CFAP69: variants seen among roughly 807,000 people sequenced by gnomAD.
CFAP69 encodes the protein cilia- and flagella-associated protein 69.
CFAP69 carries 92 observed loss-of-function variants against 123.0 expected under a neutral mutation model. The observed-to-expected ratio is 0.75, with a 90% confidence interval of 0.63 to 0.89. The LOEUF is 0.89. Ranked by LOEUF, CFAP69 falls within the 40% of genes least tolerant of loss-of-function variation. CFAP69 has a pLI of 0.00. For synonymous variants in CFAP69, 380 were observed against 364.3 expected (o/e 1.04, Z -0.49); for missense variants, 1,067 against 1,096.9 (o/e 0.97, Z 0.39).
Position 90,245,492 on chromosome 7 carries a change from G to T in CFAP69, c.68G>T (p.Ser23Ile), listed in dbSNP as rs765631575. 2.3e-5 allele frequency: 36 copies of T among 1,543,662 alleles called. No individual in the cohort carries two copies. The South Asian group carries it at 4.1e-4, about 18-fold the overall frequency. Residue 23 changes from serine (S) to isoleucine (I), a missense_variant, in exon 1 of 23, where the codon AGT (serine) becomes ATT (isoleucine). Physicochemically the swap from Ser to Ile is moderately radical, Grantham distance 142. Transcript: ENST00000389297. ...TCCGGCATCAGGAACAAGTCTAGCAGTTCCAGTCAAATCCCGGTGGTTGGG... is the reference window on the plus strand; with the variant it reads ...TCCGGCATCAGGAACAAGTCTAGCATTTCCAGTCAAATCCCGGTGGTTGGG... The part of the protein sequence containing the change: ...QESGIRNKSS[S>I]SSQIPVVGVV...
intron 4 of CFAP69, among the ~76,000 whole-genome samples, chr7:90,264,488 T>C (rs1798850647): frequency 6.6e-6 from 1 of 152,024 alleles, no homozygotes; most frequent in Admixed American, 6.6e-5. Context: ...TCTCTAAGAA[T>C]GAATAAACTA....
At chr7:90,286,570 C>A in intron 14 of CFAP69, 171 bp downstream of exon 14, 2 of 540,612 alleles carry the variant, frequency 3.7e-6, no homozygotes, top group Non-Finnish European at 3.0e-6. Context: ...CAGTATACAC[C>A]CATTTAACTC....
intron 15 of CFAP69, among the ~76,000 whole-genome samples, chr7:90,297,458 A>G (rs2117295323): frequency 6.6e-6 from 1 of 152,358 alleles, no homozygotes; most frequent in Admixed American, 6.5e-5. Context: ...CCAGCCAGAG[A>G]TGATCACTAA....
downstream of CFAP69, among the ~76,000 whole-genome samples, chr7:90,313,241 G>A (rs1794474732): frequency 1.3e-5 from 2 of 152,174 alleles, no homozygotes; most frequent in African/African-American, 4.8e-5. Context: ...TGACCAAACA[G>A]ATCAAAGATT....
rs546387862 is a variant in CFAP69 at position 90,255,805 on chromosome 7, G to C, written c.180+323G>C. Among the ~76,000 whole-genome samples, 6 of 152,126 alleles carry C rather than the reference G, an allele frequency of 3.9e-5. No individual in the cohort carries two copies. In the East Asian group the frequency reaches 1.2e-3, roughly 29 times the overall value. ...TGTTACCTAGTAGGATTGGAGGACA[G>C]AAATGGTAGAAAACAGGGTACCGTG... On this transcript the variant is annotated intron_variant, in intron 2 of 22. Coordinates refer to ENST00000389297, the MANE Select transcript of CFAP69 (RefSeq NM_001039706.3).
At chr7:90,298,798 TATGA>T (rs1792365336) in intron 16 of CFAP69, among the ~76,000 whole-genome samples, 1 of 152,186 alleles carries the variant, frequency 6.6e-6, no homozygotes, top group African/African-American at 2.4e-5. Context: ...TTACTGTTAT[TATGA>T]ATATTATTGC....
chr7:90,304,354 G>T, intron 18 of CFAP69: 1 of 1,251,392 alleles, frequency 8.0e-7, no homozygotes, highest in Non-Finnish European at 1.0e-6. Flanking sequence ...TAGGATTAAG[G>T]ACAGTTAGTT....
chr7:90,272,005 A>T (rs770117082), intron 8 of CFAP69, 47 bp downstream of exon 8: 2 of 1,485,414 alleles, frequency 1.3e-6, no homozygotes, highest in Non-Finnish European at 1.8e-6. Flanking sequence ...TCTTAAAATG[A>T]CAGCCAGTGA....
At chr7:90,304,236 T>C in intron 18 of CFAP69, 130 bp downstream of exon 18, 1 of 1,389,866 alleles carries the variant, frequency 7.2e-7, no homozygotes, top group East Asian at 2.7e-5. Context: ...TTTCCATTGT[T>C]ACCCCAATTC....
At chr7:90,248,266 T>G (rs1484659103) in intron 1 of CFAP69, among the ~76,000 whole-genome samples, 5 of 152,362 alleles carry the variant, frequency 3.3e-5, no homozygotes, top group African/African-American at 9.6e-5. Flanking sequence ...AATTGAACCT[T>G]TCAGTTACCC....
chr7:90,313,187 G>A (rs954790351), downstream of CFAP69, among the ~76,000 whole-genome samples: 1 of 152,132 alleles, frequency 6.6e-6, no homozygotes, highest in African/African-American at 2.4e-5. Flanking sequence ...AATCTGGTCA[G>A]CTCCATCTGA....
At chr7:90,257,573 A>G (rs764446096) in intron 2 of CFAP69, among the ~76,000 whole-genome samples, 2 of 152,186 alleles carry the variant, frequency 1.3e-5, no homozygotes, top group Non-Finnish European at 2.9e-5. Context: ...ATTCTAGTCT[A>G]TATCTCCATG....
chr7:90,245,398 C>T lies in CFAP69; in HGVS notation c.-27C>T. ...CGCACTGTAGGACAGGAAGATCCCC[C>T]CACTCTCCACCCCGCCGCCACCGGC... is the stretch of plus-strand genomic sequence containing the variant. On this transcript the variant is annotated 5_prime_UTR_variant, in exon 1 of 23. Coordinates refer to ENST00000389297, the MANE Select transcript of CFAP69 (RefSeq NM_001039706.3). 2.6e-6 allele frequency: 4 copies of T among 1,526,212 alleles called. No homozygotes were observed. Among genetic ancestry groups the T allele is most frequent in the Non-Finnish European group, 3.5e-6 (4 of 1,138,720 alleles). 94.5% of individuals were successfully genotyped at this position (1,526,212 alleles called of 1,614,324 possible).
rs74599888 is a variant in CFAP69, at chr7:90,268,532, A to G, written c.532+148A>G. ...TTTTGTAGTCTTGAGCTCTTTGGTC[A>G]TCTTTTGAAAGTTATATATGTATTT... is the stretch of plus-strand genomic sequence containing the variant. On this transcript the variant is annotated intron_variant, in intron 6 of 22. Transcript: ENST00000389297. The G allele has an allele frequency of 1.2e-4, 65 of 563,458 alleles. 1 individual carries two copies. The East Asian group carries it at 2.2e-3, about 19-fold the overall frequency. 34.9% of individuals were successfully genotyped at this position (563,458 alleles called of 1,614,324 possible). A position where few individuals can be genotyped will look rare whatever the true frequency, so the allele number is the denominator to read the frequency against.
chr7:90,274,087 C>T lies in CFAP69; in HGVS notation c.961C>T (p.Gln321Ter). 1 of 1,597,332 alleles carries T rather than the reference C, an allele frequency of 6.3e-7. No homozygotes were observed. The highest frequency in any genetic ancestry group is 8.5e-7 in the Non-Finnish European group (1 of 1,174,738). Residue 321 changes from glutamine (Q) to a stop codon, truncating the protein, a stop_gained, in exon 9 of 23, where the codon CAA becomes TAA. Coordinates refer to ENST00000389297, the MANE Select transcript of CFAP69 (RefSeq NM_001039706.3). LOFTEE classifies it high-confidence loss of function. ...ATTAGTGATCACTACAATTATAGCT[C>T]AAAATCCTGAAGCACCAATGATTGT... is the stretch of plus-strand genomic sequence containing the variant. ...DILVITTIIAQNPEAPMIECG... is the reference protein window; with the variant it reads ...DILVITTIIA
At position 90,300,066 on chromosome 7, in the gene CFAP69, A is replaced by C; in HGVS notation, c.2050+7A>C. ...AAAAATGGGAAGATCATTGGTGAGT[A>C]TATTTATAATTGTTAGTAGAAGCAA... is the stretch of plus-strand genomic sequence containing the variant. On this transcript the variant is annotated splice_region_variant and intron_variant, in intron 17 of 22. Coordinates refer to ENST00000389297, the MANE Select transcript of CFAP69 (RefSeq NM_001039706.3). The C allele has an allele frequency of 6.5e-7, 1 of 1,542,238 alleles. No individual in the cohort carries two copies. Among genetic ancestry groups the C allele is most frequent in the African/African-American group, 1.4e-5 (1 of 71,676 alleles).
intron 15 of CFAP69, among the ~76,000 whole-genome samples, chr7:90,295,911 GT>G (rs1452873688): frequency 2.0e-5 from 3 of 152,316 alleles, no homozygotes; most frequent in East Asian, 3.9e-4. Context: ...GCTGGTGGGA[GT>G]GTAGCAGTGA....
chr7:90,253,848 C>T (rs1199516323), intron 1 of CFAP69, among the ~76,000 whole-genome samples: 1 of 151,996 alleles, frequency 6.6e-6, no homozygotes, highest in African/African-American at 2.4e-5. Flanking sequence ...GGTGTAATCC[C>T]GTTTGTCTAT....
intron 16 of CFAP69, among the ~76,000 whole-genome samples, chr7:90,299,194 A>G (rs1792414002): frequency 6.6e-6 from 1 of 152,174 alleles, no homozygotes; most frequent in African/African-American, 2.4e-5. Context: ...AAAGTTAATC[A>G]ACAAAAAGTA....
Sources: allele counts gnomAD v4.1 joint callset (sites outside exome capture counted in the v4.1 genomes callset), GRCh38; gene constraint gnomAD v4.1.1; transcripts MANE v1.5; gene names NCBI Gene and HGNC (gene_info 2026-07-23, HGNC 2026-07-21).